LSAMP: variants seen among roughly 807,000 people sequenced by gnomAD.
The protein encoded by LSAMP is limbic system associated membrane protein.
LSAMP carries 7 observed loss-of-function variants against 38.6 expected under a neutral mutation model. The ratio of observed to expected loss-of-function variants is 0.18; its 90% CI spans 0.10 to 0.34. The LOEUF is 0.34. Among genes scored for constraint, LSAMP ranks in the 10% least tolerant of loss-of-function variants. The pLI, the probability that LSAMP is intolerant of heterozygous loss-of-function variation, is 1.00. For synonymous variants in LSAMP, 154 were observed against 166.8 expected, an observed-to-expected ratio of 0.92 and a Z score of 0.59; for missense variants, 313 against 420.0, an observed-to-expected ratio of 0.75 and a Z score of 2.23.
intron 6 of LSAMP, among the ~76,000 whole-genome samples, chr3:115,811,594 G>A (rs1933835147): frequency 1.3e-5 from 2 of 151,808 alleles, no homozygotes; most frequent in Non-Finnish European, 2.9e-5. Flanking sequence ...GTAAAACTAT[G>A]ATGGTTTGCA....
At chr3:115,935,873 G>A (rs936226221) in intron 3 of LSAMP, among the ~76,000 whole-genome samples, 1 of 152,158 alleles carries the variant, frequency 6.6e-6, no homozygotes, top group African/African-American at 2.4e-5. Flanking sequence ...AATTTGAAGC[G>A]TCCTGCCAAT....
chr3:116,304,071 T>C (rs1303231453), intron 1 of LSAMP, among the ~76,000 whole-genome samples: 1 of 152,150 alleles, frequency 6.6e-6, no homozygotes, highest in Non-Finnish European at 1.5e-5. Flanking sequence ...TTCTCTCATG[T>C]GCTAACTCAA....
chr3:116,130,864 C>T (rs1173423962), intron 1 of LSAMP, among the ~76,000 whole-genome samples: 5 of 151,970 alleles, frequency 3.3e-5, no homozygotes, highest in Non-Finnish European at 5.9e-5. Flanking sequence ...TCTTTTCCTC[C>T]TCCTCCCTTT....
intron 3 of LSAMP, among the ~76,000 whole-genome samples, chr3:115,941,560 CACACACACACAG>C (rs1173701399): frequency 6.6e-6 from 1 of 151,838 alleles, no homozygotes; most frequent in African/African-American, 2.4e-5. Context: ...AAAATTGGCG[CACACACACACAG>C]ACACACACAC....
intron 1 of LSAMP, among the ~76,000 whole-genome samples, chr3:116,366,535 G>A (rs1221210674): frequency 1.3e-5 from 2 of 152,106 alleles, no homozygotes; most frequent in African/African-American, 4.8e-5. Context: ...CCTCCCCATA[G>A]ATATATTTAC....
intron 3 of LSAMP, among the ~76,000 whole-genome samples, chr3:115,921,180 TTTAA>T (rs781318265): frequency 1.3e-5 from 2 of 152,134 alleles, no homozygotes; most frequent in Admixed American, 6.5e-5. Flanking sequence ...GAGTGGTGAA[TTTAA>T]TTAATTAACT....
intron 3 of LSAMP, among the ~76,000 whole-genome samples, chr3:115,967,183 G>A (rs1938844962): frequency 6.6e-6 from 1 of 152,170 alleles, no homozygotes; most frequent in Admixed American, 6.5e-5. Context: ...CCTCTTGAAT[G>A]CTTTGCTGCT....
intron 3 of LSAMP, among the ~76,000 whole-genome samples, chr3:116,006,491 G>T (rs1940165234): frequency 6.6e-6 from 1 of 151,964 alleles, no homozygotes; most frequent in African/African-American, 2.4e-5. Context: ...AAAATAAATG[G>T]GATTATTTAG....
intron 3 of LSAMP, among the ~76,000 whole-genome samples, chr3:115,984,077 A>G (rs916233366): frequency 1.7e-5 from 1 of 60,394 alleles, no homozygotes; most frequent in Non-Finnish European, 3.8e-5. Context: ...ACCAAGTTGG[A>G]AAAAAAAATC....
At position 115,915,641 on chromosome 3, in the gene LSAMP, C is replaced by CT. The variant is rs957374291; in HGVS notation, c.515-63025dup. Among the ~76,000 whole-genome samples the CT allele has an allele frequency of 3.6e-3, 526 of 145,508 alleles. 3 individuals are homozygous for CT. Among genetic ancestry groups the CT allele is most frequent in the African/African-American group, 9.7e-3 (385 of 39,816 alleles). ...TCTGTGGATGGAAATTAGGAATATC[C>CT]TTTTTTTTTTTTGACAGAGTCTCGC... On this transcript the variant is annotated intron_variant, in intron 3 of 6. Coordinates refer to ENST00000490035, the MANE Select transcript of LSAMP (RefSeq NM_002338.5).
chr3:116,122,312 G>A (rs1708893795), intron 1 of LSAMP, among the ~76,000 whole-genome samples: 1 of 152,008 alleles, frequency 6.6e-6, no homozygotes, highest in South Asian at 2.1e-4. Context: ...AGGATATGTT[G>A]ATGATGGTAA....
chr3:116,240,108 G>A (rs1004782197), intron 1 of LSAMP, among the ~76,000 whole-genome samples: 1 of 152,234 alleles, frequency 6.6e-6, no homozygotes, highest in Middle Eastern at 3.4e-3. Flanking sequence ...TACAATTGAT[G>A]ATTATTATAA....
intron 1 of LSAMP, among the ~76,000 whole-genome samples, chr3:116,282,972 C>G (rs954358734): frequency 2.0e-5 from 3 of 152,086 alleles, no homozygotes; most frequent in African/African-American, 7.2e-5. Context: ...TCTTGCCCAC[C>G]CATGACCCTA....
chr3:116,077,505 C>G lies in LSAMP; in HGVS notation c.388+8819G>C, dbSNP rs182045269. Among the ~76,000 whole-genome samples the G allele has an allele frequency of 2.3e-3, 345 of 151,676 alleles. 1 individual carries two copies. The highest frequency in any genetic ancestry group is 7.8e-3 in the African/African-American group (324 of 41,430). On this transcript the variant is annotated intron_variant, in intron 2 of 6. Coordinates refer to ENST00000490035, the MANE Select transcript of LSAMP (RefSeq NM_002338.5). ...TTATAATGGATTATGCTTGAAAAAA[C>G]CTGCTTAATTATGCTGTATTTAATA...
At chr3:116,141,556 CT>C (rs1228471889) in intron 1 of LSAMP, among the ~76,000 whole-genome samples, 3 of 151,878 alleles carry the variant, frequency 2.0e-5, no homozygotes, top group Non-Finnish European at 4.4e-5. Flanking sequence ...CAGGAAAGGT[CT>C]TAGGTCCTAG....
intron 1 of LSAMP, among the ~76,000 whole-genome samples, chr3:116,381,091 CT>C (rs1408509489): frequency 6.6e-6 from 1 of 152,026 alleles, no homozygotes; most frequent in Non-Finnish European, 1.5e-5. Flanking sequence ...TATTTACCCC[CT>C]CTTTTTGTTT....
At chr3:116,098,776 T>C (rs1329823436) in intron 1 of LSAMP, among the ~76,000 whole-genome samples, 1 of 152,162 alleles carries the variant, frequency 6.6e-6, no homozygotes, top group Non-Finnish European at 1.5e-5. Context: ...TCCCTTTTGC[T>C]GGAGGCCTGT....
chr3:115,938,139 T>C (rs1160037191), intron 3 of LSAMP, among the ~76,000 whole-genome samples: 4 of 152,182 alleles, frequency 2.6e-5, no homozygotes, highest in African/African-American at 9.6e-5. Flanking sequence ...CAAAGGTCTT[T>C]AGATTTTCAC....
intron 2 of LSAMP, among the ~76,000 whole-genome samples, chr3:116,056,473 C>T (rs762019319): frequency 8.5e-5 from 13 of 152,164 alleles, no homozygotes; most frequent in East Asian, 3.9e-4. Flanking sequence ...AGAAATTGGC[C>T]TAAGTAACCC....
Sources: gnomAD v4.1 joint callset for allele counts (sites outside exome capture counted in the v4.1 genomes callset) on GRCh38, gnomAD v4.1.1 for gene constraint, MANE v1.5 for transcripts, NCBI Gene and HGNC (gene_info 2026-07-23, HGNC 2026-07-21) for gene names.